Variants in FLT3 observed in about 807,000 individuals in gnomAD.
FLT3 encodes fms related receptor tyrosine kinase 3, also known as receptor-type tyrosine-protein kinase FLT3.
A neutral mutation model predicts 126.6 loss-of-function variants in FLT3; 46 were observed. The ratio of observed to expected loss-of-function variants is 0.36; its 90% CI spans 0.29 to 0.46. The LOEUF (loss-of-function observed/expected upper bound fraction) is 0.46. FLT3 is among the 20% of genes least tolerant of loss of function. FLT3 has a pLI of 1.00. For synonymous variants in FLT3, 404 were observed against 434.4 expected (o/e 0.93, Z 0.87); for missense variants, 1,069 against 1,190.3 (o/e 0.90, Z 1.50).
Position 28,048,263 on chromosome 13 carries a change from T to C in FLT3, c.1205+12A>G, listed in dbSNP as rs771087435. Reference sequence around the variant, plus strand: ...GCTAAAAATGGTATCTTAGAGTCCTTTGTGGTCTCACCTGTATCCGTTATC... The same window carrying C: ...GCTAAAAATGGTATCTTAGAGTCCTCTGTGGTCTCACCTGTATCCGTTATC... On this transcript the variant is annotated intron_variant, in intron 9 of 23. Transcript: ENST00000241453. 3.1e-6 allele frequency: 5 copies of C among 1,606,306 alleles called. No individual in the cohort carries two copies. The highest frequency in any genetic ancestry group is 1.1e-5 in the South Asian group (1 of 89,520).
Position 28,023,447 on chromosome 13 carries a change from A to C in FLT3, c.2321T>G (p.Leu774Arg). Residue 774 changes from leucine (L) to arginine (R), a missense_variant, in exon 19 of 24, where the codon CTG (leucine) becomes CGG (arginine). Leu to Arg is a moderately radical substitution (Grantham distance 102). Transcript: ENST00000241453. ...DEIEYENQKR[L>R]EEEEDLNVLT... is the part of the protein sequence containing the mutation. ...CACATTCAAGTCCTCCTCTTCTTCC[A>C]GCCTTTTTTGGTTTTCATATTCAAT... The C allele has an allele frequency of 6.2e-7, 1 of 1,614,034 alleles. No homozygotes were observed. Among genetic ancestry groups the C allele is most frequent in the Non-Finnish European group, 8.5e-7 (1 of 1,179,940 alleles).
intron 23 of FLT3, among the ~76,000 whole-genome samples, chr13:28,006,643 C>T (rs1459249940): frequency 6.6e-6 from 1 of 150,870 alleles, no homozygotes; most frequent in African/African-American, 2.5e-5. Flanking sequence ...CCATCTCTGA[C>T]AATCTCTCTC....
intron 23 of FLT3, among the ~76,000 whole-genome samples, chr13:28,013,335 G>A (rs561849179): frequency 3.3e-5 from 5 of 152,266 alleles, no homozygotes; most frequent in Admixed American, 6.5e-5. Flanking sequence ...TGCCCAGTAC[G>A]TGCTAACTCT....
intron 5 of FLT3, 131 bp from the exon 6 acceptor site, chr13:28,050,353 A>G (rs943568745): frequency 6.3e-6 from 5 of 793,646 alleles, no homozygotes; most frequent in Non-Finnish European, 1.0e-5. Flanking sequence ...AAGGTAAACA[A>G]GCCCATATCT....
At chr13:28,063,706 T>C (rs1876770125) in intron 2 of FLT3, among the ~76,000 whole-genome samples, 2 of 89,066 alleles carry the variant, frequency 2.2e-5, no homozygotes, top group African/African-American at 3.9e-5. Flanking sequence ...CTATGATAAG[T>C]GCAAGACCAT....
chr13:28,042,538 C>A (rs973634937), intron 9 of FLT3, among the ~76,000 whole-genome samples: 2 of 152,068 alleles, frequency 1.3e-5, no homozygotes, highest in Non-Finnish European at 2.9e-5. Context: ...TTGGCTTTGC[C>A]TTCTGTGATT....
Position 28,003,397 on chromosome 13 carries a change from T to C in FLT3, c.*655A>G, listed in dbSNP as rs1004237198. ...ATTACTCTTTATGGTAGAACACCTATTCATTATAAACTTCCCCCAATACAA... is the reference window on the plus strand; with the variant it reads ...ATTACTCTTTATGGTAGAACACCTACTCATTATAAACTTCCCCCAATACAA... On this transcript the variant is annotated 3_prime_UTR_variant, in exon 24 of 24. Coordinates refer to ENST00000241453, the MANE Select transcript of FLT3 (RefSeq NM_004119.3). 3.4e-5 allele frequency: 8 copies of C among 233,766 alleles called. No individual in the cohort carries two copies. The highest frequency in any genetic ancestry group is 1.3e-3 in the Middle Eastern group (1 of 788). 14.5% of individuals were successfully genotyped at this position (233,766 alleles called of 1,614,324 possible). A position where few individuals can be genotyped will look rare whatever the true frequency, so the allele number is the denominator to read the frequency against.
intron 3 of FLT3, among the ~76,000 whole-genome samples, chr13:28,061,241 C>T (rs558505744): frequency 2.7e-5 from 4 of 150,870 alleles, no homozygotes; most frequent in East Asian, 2.0e-4. Context: ...CTGTGATCCC[C>T]GATATTCAGG....
rs9512985 is a variant in FLT3 at position 28,027,484 on chromosome 13, C to T, written c.2054-243G>A. On this transcript the variant is annotated intron_variant, in intron 16 of 23. Transcript: ENST00000241453. ...GCCCTTTTTTGTATGTGTGGCCTCA[C>T]CAATACCACTGGCCTCCTGGATTCT... is the stretch of plus-strand genomic sequence containing the variant. Among the ~76,000 whole-genome samples the T allele has an allele frequency of 0.16, 23,644 of 152,214 alleles. 2,189 individuals are homozygous for T. Among genetic ancestry groups the T allele is most frequent in the Middle Eastern group, 0.26 (77 of 294 alleles).
intron 3 of FLT3, among the ~76,000 whole-genome samples, chr13:28,058,445 G>A (rs1425470842): frequency 6.6e-6 from 1 of 151,882 alleles, no homozygotes; most frequent in Non-Finnish European, 1.5e-5. Flanking sequence ...CCGGGAGGCG[G>A]AGGTTGCGGT....
chr13:28,072,198 T>G (rs151253256), intron 1 of FLT3, among the ~76,000 whole-genome samples: 2 of 151,034 alleles, frequency 1.3e-5, no homozygotes, highest in Non-Finnish European at 2.9e-5. Flanking sequence ...ATATTAAGTA[T>G]ATATACATAT....
intron 1 of FLT3, among the ~76,000 whole-genome samples, chr13:28,070,933 T>A (rs1469315931): frequency 6.6e-6 from 1 of 151,924 alleles, no homozygotes; most frequent in African/African-American, 2.4e-5. Flanking sequence ...AATGATTATT[T>A]GTATACATGA....
chr13:28,047,640 A>T (rs538216569), intron 9 of FLT3, among the ~76,000 whole-genome samples: 63 of 148,648 alleles, frequency 4.2e-4, no homozygotes, highest in African/African-American at 1.5e-3. Context: ...TGAGCCTGGG[A>T]GGTGGAGGTT....
At chr13:28,062,506 G>A (rs1282265725) in intron 2 of FLT3, among the ~76,000 whole-genome samples, 2 of 152,064 alleles carry the variant, frequency 1.3e-5, no homozygotes, top group African/African-American at 2.4e-5. Flanking sequence ...ACTTTGGGAC[G>A]CGGAGGCAGG....
At chr13:28,088,878 C>G (rs1878856380) in intron 1 of FLT3, among the ~76,000 whole-genome samples, 1 of 152,130 alleles carries the variant, frequency 6.6e-6, no homozygotes, top group African/African-American at 2.4e-5. Flanking sequence ...GCTGCCCACC[C>G]AGCCCAGAAA....
At chr13:28,012,944 A>G (rs2137604870) in intron 23 of FLT3, among the ~76,000 whole-genome samples, 1 of 152,228 alleles carries the variant, frequency 6.6e-6, no homozygotes, top group Non-Finnish European at 1.5e-5. Flanking sequence ...CTCAAAAAAA[A>G]AAAAAGTGTA....
In FLT3 at chr13:28,004,005, G is replaced by C; in HGVS notation, c.*47C>G. On this transcript the variant is annotated 3_prime_UTR_variant, in exon 24 of 24. Transcript: ENST00000241453. ...ATCTTGTTTTGGTAATCTACAGCCT[G>C]TTAGGGATAGGTGGAGGGATGAAGT... The C allele has an allele frequency of 1.2e-6, 2 of 1,609,168 alleles. No individual in the cohort carries two copies. Among genetic ancestry groups the C allele is most frequent in the Non-Finnish European group, 1.7e-6 (2 of 1,175,634 alleles).
At chr13:28,035,346 C>G (rs149866124) in intron 12 of FLT3, 149 bp downstream of exon 12, 199 of 693,366 alleles carry the variant, frequency 2.9e-4, no homozygotes, top group Middle Eastern at 2.3e-3. Context: ...AACAGTCTCT[C>G]TGGGGATTCT....
intron 1 of FLT3, among the ~76,000 whole-genome samples, chr13:28,082,784 A>C (rs1878421377): frequency 6.6e-6 from 1 of 152,022 alleles, no homozygotes; most frequent in South Asian, 2.1e-4. Context: ...GCTCACTGCA[A>C]GCTTTGCCTC....
Sources: allele counts gnomAD v4.1 joint callset (sites outside exome capture counted in the v4.1 genomes callset), GRCh38; gene constraint gnomAD v4.1.1; transcripts MANE v1.5; gene names NCBI Gene and HGNC (gene_info 2026-07-23, HGNC 2026-07-21).